Variants in STARD13 observed in about 807,000 individuals in gnomAD.
STARD13 encodes stAR-related lipid transfer protein 13.
Under a neutral mutation model 106.4 loss-of-function variants are expected in STARD13, and 62 were observed. The observed-to-expected ratio is 0.58, with a 90% CI of 0.48 to 0.72. The LOEUF is 0.72. STARD13 is among the 30% of genes least tolerant of loss of function. The probability of loss-of-function intolerance (pLI) is 0.00; values close to 1 mark genes in which losing one functional copy is unlikely to be tolerated. For synonymous variants in STARD13, 565 were observed against 553.0 expected, an observed-to-expected ratio of 1.02 and a Z score of -0.31; for missense variants, 1,387 against 1,424.0, an observed-to-expected ratio of 0.97 and a Z score of 0.42.
chr13:33,167,024 A>C (rs1883402688), intron 2 of STARD13, among the ~76,000 whole-genome samples: 1 of 151,970 alleles, frequency 6.6e-6, no homozygotes, highest in East Asian at 1.9e-4. Context: ...CCAAAAAAAA[A>C]TCAATGAAAG....
At chr13:33,576,927 T>G in the STARD13 span, among the ~76,000 whole-genome samples, 1 of 152,196 alleles carries the variant, frequency 6.6e-6, no homozygotes, top group East Asian at 1.9e-4. Context: ...AGTTTCCGGT[T>G]TAAAGCCACC....
the STARD13 span, among the ~76,000 whole-genome samples, chr13:33,441,424 A>G: frequency 6.6e-6 from 1 of 152,194 alleles, no homozygotes; most frequent in Non-Finnish European, 1.5e-5. Context: ...TGGTTAAGAT[A>G]ATATGTTTAG....
At chr13:33,293,044 A>G (rs944693591) in intron 1 of STARD13, among the ~76,000 whole-genome samples, 3 of 152,126 alleles carry the variant, frequency 2.0e-5, no homozygotes, top group African/African-American at 7.2e-5. Flanking sequence ...TGTTGCATGG[A>G]GCCTTCCTAT....
chr13:33,365,342 G>C, the STARD13 span, among the ~76,000 whole-genome samples: 1 of 152,156 alleles, frequency 6.6e-6, no homozygotes, highest in Non-Finnish European at 1.5e-5. Flanking sequence ...GCCTTTAATC[G>C]AGCAAAGGGA....
At chr13:33,552,231 A>G in the STARD13 span, among the ~76,000 whole-genome samples, 1 of 152,198 alleles carries the variant, frequency 6.6e-6, no homozygotes, top group Admixed American at 6.5e-5. Context: ...ACAACTAGAT[A>G]CAAAATTAGC....
the STARD13 span, among the ~76,000 whole-genome samples, chr13:33,607,439 G>T: frequency 6.6e-6 from 1 of 151,760 alleles, no homozygotes; most frequent in East Asian, 1.9e-4. Context: ...TGGGACTACA[G>T]GTGCGTGCCA....
intron 1 of STARD13, among the ~76,000 whole-genome samples, chr13:33,168,246 G>A (rs562344877): frequency 1.3e-5 from 2 of 152,228 alleles, no homozygotes; most frequent in South Asian, 2.1e-4. Flanking sequence ...GCTGTAGAGT[G>A]CGGCATAGAA....
intron 12 of STARD13, among the ~76,000 whole-genome samples, chr13:33,109,369 T>A (rs1444852898): frequency 6.6e-6 from 1 of 152,114 alleles, no homozygotes; most frequent in African/African-American, 2.4e-5. Flanking sequence ...ATCAACAAGA[T>A]TTTCTGGACC....
At chr13:33,526,664 C>A in the STARD13 span, among the ~76,000 whole-genome samples, 9 of 152,156 alleles carry the variant, frequency 5.9e-5, no homozygotes, top group East Asian at 1.7e-3. Context: ...TCTCTCTGTA[C>A]CTAAGTTCCC....
the STARD13 span, among the ~76,000 whole-genome samples, chr13:33,458,411 T>C: frequency 2.1e-3 from 316 of 152,164 alleles, 1 homozygote; most frequent in African/African-American, 7.3e-3. Flanking sequence ...AAATATGTAG[T>C]TTATAAAAGC....
At chr13:33,622,905 C>A in the STARD13 span, among the ~76,000 whole-genome samples, 11 of 138,090 alleles carry the variant, frequency 8.0e-5, no homozygotes, top group Non-Finnish European at 1.7e-4. Context: ...GGCGACAGAG[C>A]AAAACTCTGT....
chr13:33,359,185 C>G, the STARD13 span, among the ~76,000 whole-genome samples: 1 of 152,174 alleles, frequency 6.6e-6, no homozygotes, highest in Non-Finnish European at 1.5e-5. Context: ...CTACTGCTCA[C>G]TCTTTGGGTC....
At chr13:33,158,978 C>T (rs953615545) in intron 3 of STARD13, among the ~76,000 whole-genome samples, 1 of 152,276 alleles carries the variant, frequency 6.6e-6, no homozygotes, top group South Asian at 2.1e-4. Flanking sequence ...AATCTCAGTT[C>T]GCACACCTCC....
chr13:33,209,338 T>G (rs1887587044), intron 1 of STARD13, among the ~76,000 whole-genome samples: 1 of 152,050 alleles, frequency 6.6e-6, no homozygotes, highest in Admixed American at 6.6e-5. Context: ...CCTGAGCCAA[T>G]CAGCATTGGA....
chr13:33,379,855 T>C, the STARD13 span, among the ~76,000 whole-genome samples: 4 of 152,234 alleles, frequency 2.6e-5, no homozygotes, highest in Non-Finnish European at 4.4e-5. Flanking sequence ...TGAGCAAGAT[T>C]TGATTCCATT....
the STARD13 span, among the ~76,000 whole-genome samples, chr13:33,620,444 G>A: frequency 1.3e-5 from 2 of 151,732 alleles, no homozygotes; most frequent in African/African-American, 4.8e-5. Flanking sequence ...CACCACACCT[G>A]GCTAATTTTT....
At chr13:33,475,227 C>T in the STARD13 span, among the ~76,000 whole-genome samples, 8 of 151,986 alleles carry the variant, frequency 5.3e-5, no homozygotes, top group Admixed American at 3.9e-4. Flanking sequence ...TCTTGCTTCC[C>T]AAAGAATATC....
the STARD13 span, among the ~76,000 whole-genome samples, chr13:33,564,783 G>C: frequency 6.8e-6 from 1 of 146,482 alleles, no homozygotes; most frequent in East Asian, 2.0e-4. Context: ...CATGAGGTCA[G>C]GAGATCGAGA....
the STARD13 span, among the ~76,000 whole-genome samples, chr13:33,642,222 T>C: frequency 6.6e-6 from 1 of 152,164 alleles, no homozygotes; most frequent in South Asian, 2.1e-4. Context: ...GGGTAAAGCT[T>C]GGGAGGTAGG....
Sources: gnomAD v4.1 joint callset for allele counts (sites outside exome capture counted in the v4.1 genomes callset) on GRCh38, gnomAD v4.1.1 for gene constraint, MANE v1.5 for transcripts, NCBI Gene and HGNC (gene_info 2026-07-23, HGNC 2026-07-21) for gene names.